The following MYO9B variants were observed in gnomAD, a reference collection of about 807,000 sequenced individuals.
MYO9B encodes myosin IXB.
In MYO9B, 71 loss-of-function variants were observed where a neutral mutation model predicts 229.5. That is an observed-to-expected ratio of 0.31 (90% CI 0.26 to 0.38). The LOEUF (loss-of-function observed/expected upper bound fraction) is 0.38, where lower values mean the gene tolerates loss of function less well. Ranked by LOEUF, MYO9B falls within the 10% of genes least tolerant of loss-of-function variation. MYO9B has a pLI of 1.00. For missense variants in MYO9B, 2,255 were observed against 2,920.5 expected (o/e 0.77, Z 5.25); for synonymous variants, 1,185 against 1,235.8 (o/e 0.96, Z 0.86).
intron 35 of MYO9B, among the ~76,000 whole-genome samples, chr19:17,208,598 A>AT (rs767414100): frequency 5.9e-5 from 9 of 151,614 alleles, no homozygotes; most frequent in Non-Finnish European, 1.2e-4. Flanking sequence ...CGCCCGGCTA[A>AT]TTTTTTGTAT....
At chr19:17,210,494 G>T in intron 37 of MYO9B, 114 bp downstream of exon 37, 1 of 1,356,978 alleles carries the variant, frequency 7.4e-7, no homozygotes, top group African/African-American at 1.5e-5. Flanking sequence ...TAACCTTCCG[G>T]AAGTGCATGC....
chr19:17,082,619 TG>T (rs2057543539), intron 1 of MYO9B, among the ~76,000 whole-genome samples: 1 of 152,056 alleles, frequency 6.6e-6, no homozygotes, highest in South Asian at 2.1e-4. Flanking sequence ...CTGGTGAATG[TG>T]CCATGGGGGG....
intron 18 of MYO9B, among the ~76,000 whole-genome samples, chr19:17,187,275 G>C (rs1418492971): frequency 1.3e-5 from 2 of 152,194 alleles, no homozygotes; most frequent in African/African-American, 2.4e-5. Context: ...CCTCTCTCCT[G>C]GGACACCTCC....
Position 17,172,729 on chromosome 19 carries a change from G to T in MYO9B, c.1936-30G>T. 1.9e-6 allele frequency: 3 copies of T among 1,610,454 alleles called. No individual in the cohort carries two copies. The highest frequency in any genetic ancestry group is 1.7e-5 in the Admixed American group (1 of 59,980). ...TAGGCGCCGGTGAGTGACTATCCCC[G>T]AGTGACCGCCCACATCCATCCCCCA... On this transcript the variant is annotated intron_variant, in intron 12 of 39. Transcript: ENST00000682292. The surrounding 1 kb of genome is among the most constrained non-coding windows in gnomAD (Gnocchi z 8.2).
chr19:17,155,487 A>AT (rs1194499899), intron 6 of MYO9B, among the ~76,000 whole-genome samples: 2 of 152,158 alleles, frequency 1.3e-5, no homozygotes, highest in Non-Finnish European at 2.9e-5. Flanking sequence ...AGCAATTTAA[A>AT]TTTTTTTAAA....
chr19:17,108,521 C>T (rs1009071626), intron 2 of MYO9B, among the ~76,000 whole-genome samples: 5 of 152,030 alleles, frequency 3.3e-5, no homozygotes, highest in Admixed American at 6.6e-5. Context: ...CCAGAAGTGT[C>T]CCCAGACATT....
At chr19:17,186,091 C>G in intron 18 of MYO9B, 90 bp downstream of exon 18, 5 of 1,150,850 alleles carry the variant, frequency 4.3e-6, no homozygotes, top group Non-Finnish European at 6.5e-6. Context: ...AGCCTCCACG[C>G]AGTATGGGGG....
Position 17,101,237 on chromosome 19 carries a change from G to T in MYO9B, c.-58-423G>T, listed in dbSNP as rs1480499217. On this transcript the variant is annotated intron_variant, in intron 1 of 39. Transcript: ENST00000682292. The surrounding 1 kb of genome is among the most constrained non-coding windows in gnomAD (Gnocchi z 4.7). ...TCTCACCCAGGCTGGAGCACAGCTG[G>T]TATAATCATGGCTCACTGCAGCCTC... Among the ~76,000 whole-genome samples, 3 of 151,762 alleles carry T rather than the reference G, an allele frequency of 2.0e-5. No individual in the cohort carries two copies. The highest frequency in any genetic ancestry group is 4.4e-5 in the Non-Finnish European group (3 of 67,956).
intron 1 of MYO9B, among the ~76,000 whole-genome samples, chr19:17,080,261 G>A (rs1170581696): frequency 6.6e-6 from 1 of 152,188 alleles, no homozygotes; most frequent in Non-Finnish European, 1.5e-5. Context: ...GAGTTTGCTA[G>A]GGCTGCTGTA....
chr19:17,080,121 G>A (rs2057521510), intron 1 of MYO9B, among the ~76,000 whole-genome samples: 1 of 152,176 alleles, frequency 6.6e-6, no homozygotes, highest in Admixed American at 6.5e-5. Flanking sequence ...GGGTTCGTCG[G>A]AGTGATGAAT....
Position 17,206,801 on chromosome 19 carries a change from C to T in MYO9B, c.5492+17C>T, listed in dbSNP as rs766619360. ...CCTTGTCAAGCAAGTGCCTCCCCAC[C>T]TGCCCTCTGTGGGGTTAGGGTCGCA... On this transcript the variant is annotated intron_variant, in intron 34 of 39. Coordinates refer to ENST00000682292, the MANE Select transcript of MYO9B (RefSeq NM_004145.4). 3 of 1,541,638 alleles carry T rather than the reference C, an allele frequency of 1.9e-6. No homozygotes were observed. The highest frequency in any genetic ancestry group is 1.4e-5 in the African/African-American group (1 of 73,004).
intron 2 of MYO9B, among the ~76,000 whole-genome samples, chr19:17,117,790 T>C (rs1336942818): frequency 6.6e-6 from 1 of 151,628 alleles, no homozygotes; most frequent in Non-Finnish European, 1.5e-5. Context: ...ATACAAAAAT[T>C]AGCCAAGCGT....
At chr19:17,176,293 C>T (rs1213593981) in intron 14 of MYO9B, among the ~76,000 whole-genome samples, 1 of 152,118 alleles carries the variant, frequency 6.6e-6, no homozygotes, top group African/African-American at 2.4e-5. Context: ...GCCTCAGCCT[C>T]CCAAAGTGCT....
rs1248500862 is a variant in MYO9B, at chr19:17,101,756, G to T, written c.39G>T (p.Glu13Asp). The T allele has an allele frequency of 6.3e-7, 1 of 1,595,298 alleles. No homozygotes were observed. Among genetic ancestry groups the T allele is most frequent in the Non-Finnish European group, 8.5e-7 (1 of 1,175,972 alleles). ...AGGCAGGCAGCTCGGGCCGCCGGGAGCAGGCGGCCTACCACCTGCACATCT... is the reference window on the plus strand; with the variant it reads ...AGGCAGGCAGCTCGGGCCGCCGGGATCAGGCGGCCTACCACCTGCACATCT... ...VKEAGSSGRR[E>D]QAAYHLHIYP... The change falls in exon 2 of 40, where the codon GAG (glutamate) becomes GAT (aspartate). Residue 13 changes from glutamate to aspartate, a missense_variant. Physicochemically the swap from Glu to Asp is conservative, Grantham distance 45 (BLOSUM62 2). Coordinates refer to ENST00000682292, the MANE Select transcript of MYO9B (RefSeq NM_004145.4). The surrounding 1 kb of genome is among the most constrained non-coding windows in gnomAD (Gnocchi z 4.7).
At chr19:17,184,167 G>A (rs993543201) in intron 16 of MYO9B, among the ~76,000 whole-genome samples, 1 of 152,218 alleles carries the variant, frequency 6.6e-6, no homozygotes, top group African/African-American at 2.4e-5. Context: ...CATAGCTGAA[G>A]TCTGGCCTCA....
intron 10 of MYO9B, among the ~76,000 whole-genome samples, chr19:17,164,358 A>G (rs900872678): frequency 8.6e-5 from 13 of 150,952 alleles, no homozygotes; most frequent in Non-Finnish European, 2.9e-5. Flanking sequence ...GCTTAGCTCA[A>G]GGACATTGAT....
intron 10 of MYO9B, 38 bp downstream of exon 10, chr19:17,163,160 G>A: frequency 6.5e-7 from 1 of 1,538,996 alleles, no homozygotes; most frequent in South Asian, 1.2e-5. Context: ...TTTGAACTTG[G>A]TAAATCAGAC....
intron 2 of MYO9B, among the ~76,000 whole-genome samples, chr19:17,131,823 T>G (rs1046153584): frequency 1.3e-5 from 2 of 151,974 alleles, no homozygotes; most frequent in African/African-American, 4.8e-5. Context: ...ACCAATAGCT[T>G]TATGGATTTC....
At chr19:17,115,873 T>C (rs2057898104) in intron 2 of MYO9B, among the ~76,000 whole-genome samples, 1 of 151,718 alleles carries the variant, frequency 6.6e-6, no homozygotes, top group Non-Finnish European at 1.5e-5. Context: ...CTGGAATCTC[T>C]GCATTTGTAT....
Sources: allele counts gnomAD v4.1 joint callset (sites outside exome capture counted in the v4.1 genomes callset), GRCh38; gene constraint gnomAD v4.1.1; non-coding constraint Gnocchi (gnomAD v3.1); transcripts MANE v1.5; gene names NCBI Gene and HGNC (gene_info 2026-07-23, HGNC 2026-07-21).